PRMT8: variants seen among roughly 807,000 people sequenced by gnomAD.
PRMT8 encodes protein arginine N-methyltransferase 8.
In PRMT8, 7 loss-of-function variants were observed where a neutral mutation model predicts 47.1. That is an observed-to-expected ratio of 0.15 (90% CI 0.08 to 0.28). The LOEUF is 0.28. Ranked by LOEUF, PRMT8 falls within the 10% of genes least tolerant of loss-of-function variation. PRMT8 has a pLI of 1.00. For missense variants in PRMT8, 237 were observed against 505.4 expected, an observed-to-expected ratio of 0.47 and a Z score of 5.09; for synonymous variants, 188 against 186.5, an observed-to-expected ratio of 1.01 and a Z score of -0.07.
intron 4 of PRMT8, among the ~76,000 whole-genome samples, chr12:3,558,688 G>A (rs754063281): frequency 3.9e-5 from 6 of 152,270 alleles, no homozygotes; most frequent in Non-Finnish European, 5.9e-5. Flanking sequence ...GGGATTGTGC[G>A]CTGGTTCCTC....
intron 1 of PRMT8, among the ~76,000 whole-genome samples, chr12:3,406,812 A>C (rs768986334): frequency 1.3e-5 from 2 of 152,230 alleles, no homozygotes; most frequent in Non-Finnish European, 2.9e-5. Context: ...AGGAAGTTCC[A>C]AACTTTCCCA....
chr12:3,591,450 G>A (rs940801471), intron 8 of PRMT8, among the ~76,000 whole-genome samples: 15 of 142,672 alleles, frequency 1.1e-4, no homozygotes, highest in African/African-American at 4.0e-4. Flanking sequence ...TCACTCACTG[G>A]TTTGCACCCA....
At chr12:3,387,901 G>A (rs1864156655) in intron 1 of PRMT8, among the ~76,000 whole-genome samples, 1 of 152,130 alleles carries the variant, frequency 6.6e-6, no homozygotes, top group Non-Finnish European at 1.5e-5. Context: ...CAGAAGAAGA[G>A]CATTCTCTTA....
intron 1 of PRMT8, among the ~76,000 whole-genome samples, chr12:3,468,691 G>T (rs1360547929): frequency 6.6e-6 from 1 of 152,256 alleles, no homozygotes; most frequent in East Asian, 1.9e-4. Flanking sequence ...ATGAGTCTCA[G>T]ATTAATACTT....
At chr12:3,434,968 CTTTTT>C (rs398044252) in intron 1 of PRMT8, among the ~76,000 whole-genome samples, 56 of 130,720 alleles carry the variant, frequency 4.3e-4, no homozygotes, top group African/African-American at 1.4e-3. Context: ...TTGCTTTGCT[CTTTTT>C]TTTTTTTTTT....
At chr12:3,518,185 T>G (rs778000958) in intron 1 of PRMT8, among the ~76,000 whole-genome samples, 110 of 152,244 alleles carry the variant, frequency 7.2e-4, no homozygotes, top group Non-Finnish European at 2.6e-4. Flanking sequence ...AAGAGGAATC[T>G]GGGGGTCAAG....
At chr12:3,487,677 C>A (rs901601295), upstream of PRMT8, among the ~76,000 whole-genome samples, 13 of 152,192 alleles carry the variant, frequency 8.5e-5, no homozygotes, top group African/African-American at 2.7e-4. Flanking sequence ...GTAATTGTAA[C>A]CCTCCCCAAG....
At position 3,593,361 on chromosome 12, in the gene PRMT8, T is replaced by C; in HGVS notation, c.*179T>C. On this transcript the variant is annotated 3_prime_UTR_variant, in exon 10 of 10. Coordinates refer to ENST00000382622, the MANE Select transcript of PRMT8 (RefSeq NM_019854.5). This position sits in a 1 kb window ranked among gnomAD's most constrained non-coding sequence, Gnocchi z 4.8. ...GGGCTCTGCCACTGGACAGAAGGCC[T>C]CCAGCTCCTCCGCTCTGCCCTGGTA... The C allele has an allele frequency of 1.7e-6, 1 of 586,366 alleles. No individual in the cohort carries two copies. Among genetic ancestry groups the C allele is most frequent in the South Asian group, 2.1e-5 (1 of 48,018 alleles). The allele number at this position is 586,366 out of a possible 1,614,324, so 36.3% of individuals were successfully genotyped here. A position where few individuals can be genotyped will look rare whatever the true frequency, so the allele number is the denominator to read the frequency against.
At chr12:3,383,469 C>T (rs1049235720) in intron 1 of PRMT8, among the ~76,000 whole-genome samples, 22 of 152,304 alleles carry the variant, frequency 1.4e-4, no homozygotes, top group African/African-American at 4.8e-4. Flanking sequence ...GTAGTGGTAT[C>T]CCCAGTGTGG....
At chr12:3,418,614 C>A (rs975203075) in intron 1 of PRMT8, among the ~76,000 whole-genome samples, 1 of 152,238 alleles carries the variant, frequency 6.6e-6, no homozygotes, top group African/African-American at 2.4e-5. Context: ...AGGCCCACTC[C>A]GTGTGTGGAG....
intron 1 of PRMT8, among the ~76,000 whole-genome samples, chr12:3,454,890 T>C (rs1864957422): frequency 6.6e-6 from 1 of 152,198 alleles, no homozygotes; most frequent in African/African-American, 2.4e-5. Context: ...GAGATAGTCC[T>C]TCAGGTCCTA....
intron 1 of PRMT8, among the ~76,000 whole-genome samples, chr12:3,474,496 A>T (rs1467127086): frequency 6.6e-6 from 1 of 151,746 alleles, no homozygotes; most frequent in Non-Finnish European, 1.5e-5. Context: ...TTTTCACCCG[A>T]TGCTCTCTGC....
intron 1 of PRMT8, among the ~76,000 whole-genome samples, chr12:3,413,774 A>G (rs1309002059): frequency 6.6e-6 from 1 of 152,212 alleles, no homozygotes; most frequent in Non-Finnish European, 1.5e-5. Context: ...AAAAAAACCA[A>G]TAAAAAATAA....
At chr12:3,432,336 T>A (rs2137068966) in intron 1 of PRMT8, among the ~76,000 whole-genome samples, 1 of 152,360 alleles carries the variant, frequency 6.6e-6, no homozygotes, top group South Asian at 2.1e-4. Context: ...ACTGTGATTC[T>A]GCCATTCGGA....
At chr12:3,467,269 TG>T (rs1865110122) in intron 1 of PRMT8, among the ~76,000 whole-genome samples, 1 of 94,388 alleles carries the variant, frequency 1.1e-5, no homozygotes, top group African/African-American at 3.7e-5. Flanking sequence ...AAAAAAGAAA[TG>T]TGGCAGAAAC....
chr12:3,553,869 G>C (rs1866473630), intron 4 of PRMT8, among the ~76,000 whole-genome samples, 155 bp downstream of exon 4: 1 of 152,176 alleles, frequency 6.6e-6, no homozygotes, highest in South Asian at 2.1e-4. Context: ...TGCGGCCATG[G>C]GTACTGATGT....
chr12:3,441,829 C>G (rs1297852397), intron 1 of PRMT8, among the ~76,000 whole-genome samples: 1 of 152,180 alleles, frequency 6.6e-6, no homozygotes, highest in Non-Finnish European at 1.5e-5. Flanking sequence ...ACAAAGAGGA[C>G]CTAAAAATTG....
chr12:3,403,703 AC>A (rs1337024070), intron 1 of PRMT8, among the ~76,000 whole-genome samples: 1 of 151,574 alleles, frequency 6.6e-6, no homozygotes, highest in Non-Finnish European at 1.5e-5. Context: ...ATATGGTGAA[AC>A]CCCGTCTCTA....
rs1866813167 is a variant in PRMT8, at chr12:3,569,803, A to G, written c.712+239A>G. Among the ~76,000 whole-genome samples, 1 of 152,222 alleles carries G rather than the reference A, an allele frequency of 6.6e-6. No individual in the cohort carries two copies. The highest frequency in any genetic ancestry group is 6.5e-5 in the Admixed American group (1 of 15,284). On this transcript the variant is annotated intron_variant, in intron 6 of 9. Transcript: ENST00000382622. This position sits in a 1 kb window ranked among gnomAD's most constrained non-coding sequence, Gnocchi z 8.2. ...GGGATGAGAGAAATGTCCTGGGGTGAAAGAATGAATGCAATGTGAATTAAA... is the reference window on the plus strand; with the variant it reads ...GGGATGAGAGAAATGTCCTGGGGTGGAAGAATGAATGCAATGTGAATTAAA...
Sources: allele counts gnomAD v4.1 joint callset (sites outside exome capture counted in the v4.1 genomes callset), GRCh38; gene constraint gnomAD v4.1.1; non-coding constraint Gnocchi (gnomAD v3.1); transcripts MANE v1.5; gene names NCBI Gene and HGNC (gene_info 2026-07-23, HGNC 2026-07-21).